Variants in SOAT2 observed in about 807,000 individuals in gnomAD.
SOAT2 encodes the protein sterol O-acyltransferase 2.
Under a neutral mutation model 76.0 loss-of-function variants are expected in SOAT2, and 87 were observed. The ratio of observed to expected loss-of-function variants is 1.14; its 90% CI spans 0.96 to 1.37. SOAT2 has a LOEUF of 1.37. SOAT2 is among the 40% of genes most tolerant of loss of function. SOAT2 has a pLI of 0.00. For synonymous variants in SOAT2, 285 were observed against 275.4 expected (o/e 1.03, Z -0.34); for missense variants, 686 against 682.1 (o/e 1.01, Z -0.06).
chr12:53,111,164 GGC>G (rs1938005784), intron 5 of SOAT2, among the ~76,000 whole-genome samples: 1 of 150,334 alleles, frequency 6.7e-6, no homozygotes, highest in Non-Finnish European at 1.5e-5. Flanking sequence ...GGAGTGCAGT[GGC>G]GTGATCTCGG....
At chr12:53,109,234 C>G (rs1937978819) in intron 5 of SOAT2, among the ~76,000 whole-genome samples, 1 of 151,870 alleles carries the variant, frequency 6.6e-6, no homozygotes, top group African/African-American at 2.4e-5. Context: ...GAGACTCCAT[C>G]TAAATAAATA....
At chr12:53,122,768 A>G (rs1938211869) in intron 12 of SOAT2, among the ~76,000 whole-genome samples, 1 of 152,072 alleles carries the variant, frequency 6.6e-6, no homozygotes, top group African/African-American at 2.4e-5. Flanking sequence ...CGATTTCTCA[A>G]TCCTTTCCCC....
rs1420832730 is a variant in SOAT2, at chr12:53,103,568, A to G, written c.-10A>G. ...GCAAGGGCTGCCTGCTGCCCGCTGG[A>G]GACCGCACCATGGAGCCAGGCGGGG... On this transcript the variant is annotated 5_prime_UTR_variant, in exon 1 of 15. Transcript: ENST00000301466. 16 of 1,545,322 alleles carry G rather than the reference A, an allele frequency of 1.0e-5. No individual in the cohort carries two copies. The highest frequency in any genetic ancestry group is 1.7e-4 in the Middle Eastern group (1 of 6,008).
chr12:53,116,277 C>T (rs1938107178), intron 7 of SOAT2, 111 bp downstream of exon 7: 3 of 916,310 alleles, frequency 3.3e-6, no homozygotes, highest in South Asian at 3.0e-5. Context: ...CCCGGGTTGC[C>T]CACCAGGCAC....
intron 5 of SOAT2, among the ~76,000 whole-genome samples, chr12:53,107,913 G>A (rs1937960112): frequency 1.3e-5 from 2 of 152,166 alleles, no homozygotes; most frequent in African/African-American, 4.8e-5. Context: ...GTGAGCCACT[G>A]AGCCCAGCCA....
In SOAT2 at chr12:53,105,630, G is replaced by A. The variant is rs1307957532; in HGVS notation, c.335+10G>A. ...GCAAGTCCCTGCTTGAGTAAGTCGG[G>A]GTGATGACAAGTAATGGGAGGAAAA... On this transcript the variant is annotated intron_variant, in intron 4 of 14. Transcript: ENST00000301466. The A allele has an allele frequency of 6.2e-7, 1 of 1,607,138 alleles. No individual in the cohort carries two copies. Among genetic ancestry groups the A allele is most frequent in the South Asian group, 1.1e-5 (1 of 89,940 alleles).
At chr12:53,114,721 TA>T (rs796467762) in intron 5 of SOAT2, among the ~76,000 whole-genome samples, 1 of 151,892 alleles carries the variant, frequency 6.6e-6, no homozygotes, top group Non-Finnish European at 1.5e-5. Context: ...ACTCTGTCTC[TA>T]AAAAAAACAG....
At chr12:53,110,359 C>T (rs1198275010) in intron 5 of SOAT2, among the ~76,000 whole-genome samples, 2 of 152,162 alleles carry the variant, frequency 1.3e-5, no homozygotes, top group Non-Finnish European at 2.9e-5. Flanking sequence ...TCCATGTGTC[C>T]TAGGACTTAC....
rs1938151803 is a variant in SOAT2, at chr12:53,119,195, C to A, written c.981C>A (p.Ser327Arg). 4 of 1,613,874 alleles carry A rather than the reference C, an allele frequency of 2.5e-6. No homozygotes were observed. The highest frequency in any genetic ancestry group is 3.4e-6 in the Non-Finnish European group (4 of 1,179,936). Residue 327 changes from serine (S) to arginine (R), a missense_variant, in exon 10 of 15, where the codon AGC becomes AGA. Physicochemically the swap from Ser to Arg is moderately radical, Grantham distance 110 (BLOSUM62 -1). Transcript: ENST00000301466. ...GTGTTCCTGTCTTTGCCAACATGAGCCGAGAGCCCTTCAGCACCCGTGCCC... is the reference window on the plus strand; with the variant it reads ...GTGTTCCTGTCTTTGCCAACATGAGACGAGAGCCCTTCAGCACCCGTGCCC... ...RLCVPVFANMSREPFSTRALV... is the reference protein window; with the variant it reads ...RLCVPVFANMRREPFSTRALV...
At chr12:53,121,781 G>T (rs927761433) in intron 12 of SOAT2, among the ~76,000 whole-genome samples, 1 of 142,670 alleles carries the variant, frequency 7.0e-6, no homozygotes, top group African/African-American at 2.6e-5. Context: ...GTCCCAATGG[G>T]ATAGTAGCAT....
At chr12:53,109,995 A>G (rs1032624411) in intron 5 of SOAT2, among the ~76,000 whole-genome samples, 2 of 152,192 alleles carry the variant, frequency 1.3e-5, no homozygotes, top group Non-Finnish European at 2.9e-5. Flanking sequence ...ACTTTAGCCA[A>G]TATGTTTACA....
chr12:53,123,364 C>A, intron 13 of SOAT2, 148 bp downstream of exon 13: 1 of 1,031,078 alleles, frequency 9.7e-7, no homozygotes. Context: ...CAAGGGGGTA[C>A]TTGGAAAGCA....
chr12:53,108,989 A>G (rs1183537653), intron 5 of SOAT2, among the ~76,000 whole-genome samples: 1 of 152,244 alleles, frequency 6.6e-6, no homozygotes. Flanking sequence ...CTGTAATCCC[A>G]GCACTTTGGG....
At chr12:53,105,419 AC>A in intron 3 of SOAT2, 141 bp from the exon 4 acceptor site, 1 of 1,185,374 alleles carries the variant, frequency 8.4e-7, no homozygotes, top group Non-Finnish European at 1.2e-6. Context: ...CCTGGCCCTG[AC>A]CTTCTACCCG....
chr12:53,115,238 C>A, intron 5 of SOAT2, 152 bp from the exon 6 acceptor site: 1 of 795,102 alleles, frequency 1.3e-6, no homozygotes, highest in Non-Finnish European at 2.0e-6. Context: ...ACGCCCTGTG[C>A]CACAGAGGTG....
intron 1 of SOAT2, 92 bp from the exon 2 acceptor site, chr12:53,104,058 GA>G (rs1177929973): frequency 3.8e-6 from 4 of 1,054,604 alleles, no homozygotes; most frequent in Non-Finnish European, 6.0e-6. Context: ...GGCAGCTGCT[GA>G]GCACACAAAG....
At chr12:53,106,055 T>G (rs1294118918) in intron 5 of SOAT2, 41 bp downstream of exon 5, 2 of 1,452,630 alleles carry the variant, frequency 1.4e-6, no homozygotes, top group South Asian at 2.3e-5. Flanking sequence ...ACCTATCTGA[T>G]CAGACCCTCT....
chr12:53,105,430 G>T, intron 3 of SOAT2, 131 bp from the exon 4 acceptor site: 1 of 1,196,168 alleles, frequency 8.4e-7, no homozygotes. Flanking sequence ...CCTTCTACCC[G>T]GTCCTGCCCT....
Position 53,115,504 on chromosome 12 carries a change from G to A in SOAT2, c.558G>A (p.Arg186=). The change falls in exon 6 of 15, where the codon CGG becomes CGA. Residue 186 remains arginine (R), a synonymous_variant. Coordinates refer to ENST00000301466, the MANE Select transcript of SOAT2 (RefSeq NM_003578.4). The part of the protein sequence containing the change: ...STLLAPYQAL[R]LWARGTWTQA... Reference sequence around the variant, plus strand: ...TGTTGGCGCCGTACCAGGCCCTACGGCTGTGGGCCAGGGGCACCTGGACGC... The same window carrying A: ...TGTTGGCGCCGTACCAGGCCCTACGACTGTGGGCCAGGGGCACCTGGACGC... 1 of 1,609,064 alleles carries A rather than the reference G, an allele frequency of 6.2e-7. No individual in the cohort carries two copies. The highest frequency in any genetic ancestry group is 1.7e-5 in the Admixed American group (1 of 60,008).
Sources: allele counts gnomAD v4.1 joint callset (sites outside exome capture counted in the v4.1 genomes callset), GRCh38; gene constraint gnomAD v4.1.1; transcripts MANE v1.5; gene names NCBI Gene and HGNC (gene_info 2026-07-23, HGNC 2026-07-21).